Variants in COL8A1 observed in about 807,000 individuals in gnomAD.
The protein encoded by COL8A1 is collagen type VIII alpha 1 chain.
COL8A1 carries 21 observed loss-of-function variants against 42.7 expected under a neutral mutation model. The ratio of observed to expected loss-of-function variants is 0.49; its 90% CI spans 0.35 to 0.71. The LOEUF is 0.71. Among genes scored for constraint, COL8A1 ranks in the 30% least tolerant of loss-of-function variants. The pLI is 0.01. For missense variants in COL8A1, 788 were observed against 962.4 expected (o/e 0.82, Z 2.40); for synonymous variants, 367 against 369.1 (o/e 0.99, Z 0.06).
intron 1 of COL8A1, among the ~76,000 whole-genome samples, chr3:99,645,998 A>G (rs1310983909): frequency 6.6e-6 from 1 of 152,080 alleles, no homozygotes; most frequent in Non-Finnish European, 1.5e-5. Context: ...GGAGAAAAAA[A>G]GACAGAAATG....
intron 2 of COL8A1, among the ~76,000 whole-genome samples, chr3:99,789,362 T>C (rs1559636804): frequency 6.6e-6 from 1 of 152,196 alleles, no homozygotes; most frequent in Non-Finnish European, 1.5e-5. Context: ...ACATTAAAAA[T>C]TGTGAGAAAT....
intron 1 of COL8A1, among the ~76,000 whole-genome samples, chr3:99,640,217 T>C (rs1293304052): frequency 6.6e-6 from 1 of 152,256 alleles, no homozygotes; most frequent in Non-Finnish European, 1.5e-5. Flanking sequence ...AAAATTACTA[T>C]TGGCCAAGAT....
intron 1 of COL8A1, among the ~76,000 whole-genome samples, chr3:99,721,517 G>C (rs1940155807): frequency 6.6e-6 from 1 of 151,896 alleles, no homozygotes; most frequent in African/African-American, 2.4e-5. Context: ...AGAGAGAGGA[G>C]ACAGGGACCC....
At chr3:99,658,885 C>A (rs141948222) in intron 1 of COL8A1, among the ~76,000 whole-genome samples, 2 of 152,234 alleles carry the variant, frequency 1.3e-5, no homozygotes, top group African/African-American at 4.8e-5. Context: ...TCATTGTGGG[C>A]AAAGTTTCCC....
At chr3:99,692,397 T>A (rs1345385711) in intron 1 of COL8A1, among the ~76,000 whole-genome samples, 1 of 152,276 alleles carries the variant, frequency 6.6e-6, no homozygotes, top group Non-Finnish European at 1.5e-5. Context: ...ATATTGAGTT[T>A]AATGGACATT....
chr3:99,732,046 G>A (rs1405870964), intron 1 of COL8A1, among the ~76,000 whole-genome samples: 2 of 152,096 alleles, frequency 1.3e-5, no homozygotes, highest in East Asian at 3.9e-4. Context: ...AACCCTCAGA[G>A]GGGGCATAGC....
Position 99,796,216 on chromosome 3 carries a change from A to C in COL8A1, c.*80A>C. 2 of 1,178,778 alleles carry C rather than the reference A, an allele frequency of 1.7e-6. No individual in the cohort carries two copies. The highest frequency in any genetic ancestry group is 2.3e-6 in the Non-Finnish European group (2 of 874,406). The allele number at this position is 1,178,778 out of a possible 1,614,324, so 73.0% of individuals were successfully genotyped here. A position where few individuals can be genotyped will look rare whatever the true frequency, so the allele number is the denominator to read the frequency against. On this transcript the variant is annotated 3_prime_UTR_variant, in exon 4 of 4. Transcript: ENST00000652472. ...ACACCAAAAAATCCAAATGAAAAAC[A>C]TAATTGCTTCAAAACACTTACACAG... is the stretch of plus-strand genomic sequence containing the variant.
chr3:99,643,147 C>T (rs1937540077), intron 1 of COL8A1, among the ~76,000 whole-genome samples: 1 of 152,206 alleles, frequency 6.6e-6, no homozygotes, highest in Non-Finnish European at 1.5e-5. Context: ...CCAGTTTCTC[C>T]AGCCAGTGCT....
intron 1 of COL8A1, among the ~76,000 whole-genome samples, chr3:99,643,828 T>G (rs962039408): frequency 6.6e-6 from 1 of 152,224 alleles, no homozygotes; most frequent in Non-Finnish European, 1.5e-5. Context: ...ATGTGAGATT[T>G]ACAGCGTAAC....
chr3:99,652,432 G>A (rs1222526532), intron 1 of COL8A1, among the ~76,000 whole-genome samples: 2 of 152,192 alleles, frequency 1.3e-5, no homozygotes, highest in Non-Finnish European at 2.9e-5. Context: ...GGCAGTAGAG[G>A]CTTAGAGAGA....
At chr3:99,639,735 T>C (rs183116471) in intron 1 of COL8A1, among the ~76,000 whole-genome samples, 104 of 152,334 alleles carry the variant, frequency 6.8e-4, no homozygotes, top group Admixed American at 1.2e-3. Context: ...CTGTGGGTTG[T>C]GTGGGATGAA....
intron 1 of COL8A1, among the ~76,000 whole-genome samples, chr3:99,697,171 A>G (rs1559781909): frequency 6.6e-6 from 1 of 151,232 alleles, no homozygotes; most frequent in Non-Finnish European, 1.5e-5. Flanking sequence ...TATTTTTAGT[A>G]GAGACGGGGT....
In COL8A1 at chr3:99,795,853, G is replaced by C. The variant is rs750108911; in HGVS notation, c.1952G>C (p.Gly651Ala). 3.1e-6 allele frequency: 5 copies of C among 1,614,052 alleles called. No homozygotes were observed. Among genetic ancestry groups the C allele is most frequent in the Admixed American group, 1.7e-5 (1 of 60,006 alleles). ...NGRQNYNPQTGIFTCEVPGVY... is the reference protein window; with the variant it reads ...NGRQNYNPQTAIFTCEVPGVY... The stretch of plus-strand genomic sequence containing the variant: ...AGACAGAACTACAACCCGCAGACAG[G>C]CATCTTCACCTGTGAGGTCCCTGGT... The change falls in exon 4 of 4, where the codon GGC becomes GCC. Residue 651 changes from glycine to alanine, a missense_variant. Gly to Ala is a moderately conservative substitution (Grantham distance 60, BLOSUM62 0). Coordinates refer to ENST00000652472, the MANE Select transcript of COL8A1 (RefSeq NM_020351.4).
chr3:99,675,680 C>G (rs1938671439), intron 1 of COL8A1: 2 of 152,464 alleles, frequency 1.3e-5, no homozygotes, highest in African/African-American at 4.8e-5. Context: ...CGTTCACCAA[C>G]TCACCCTTGA....
At chr3:99,689,049 G>A (rs1939144172) in intron 1 of COL8A1, among the ~76,000 whole-genome samples, 1 of 152,194 alleles carries the variant, frequency 6.6e-6, no homozygotes, top group African/African-American at 2.4e-5. Context: ...ACAGAAAGCA[G>A]CCAAATTATT....
At chr3:99,783,273 C>T (rs1428422034) in intron 2 of COL8A1, among the ~76,000 whole-genome samples, 3 of 152,162 alleles carry the variant, frequency 2.0e-5, no homozygotes, top group Admixed American at 6.6e-5. Flanking sequence ...TCATTTCTAG[C>T]GCTGGGGGCA....
Position 99,730,912 on chromosome 3 carries a change from A to G in COL8A1, c.-128-13985A>G, listed in dbSNP as rs370456454. 1.2e-4 allele frequency among the ~76,000 whole-genome samples: 19 copies of G among 152,220 alleles called. No homozygotes were observed. In the East Asian group the frequency reaches 2.1e-3, roughly 17 times the overall value. On this transcript the variant is annotated intron_variant, in intron 1 of 3. Coordinates refer to ENST00000652472, the MANE Select transcript of COL8A1 (RefSeq NM_020351.4). Reference sequence around the variant, plus strand: ...TTAAAGTCTTTTAAAATGCCCATATAGTTTACAATTTCTGTTCTTTTTTAA... The same window carrying G: ...TTAAAGTCTTTTAAAATGCCCATATGGTTTACAATTTCTGTTCTTTTTTAA...
chr3:99,719,003 TG>T (rs1940077674), intron 1 of COL8A1, among the ~76,000 whole-genome samples: 1 of 152,072 alleles, frequency 6.6e-6, no homozygotes, highest in South Asian at 2.1e-4. Flanking sequence ...TTAAACACTC[TG>T]GGTTTGCATT....
chr3:99,660,294 GC>G (rs1385145547), intron 1 of COL8A1, among the ~76,000 whole-genome samples: 25 of 151,936 alleles, frequency 1.6e-4, no homozygotes. Context: ...GGGAAAGCAT[GC>G]CTTTTTCTAC....
Sources: allele counts gnomAD v4.1 joint callset (sites outside exome capture counted in the v4.1 genomes callset), GRCh38; gene constraint gnomAD v4.1.1; transcripts MANE v1.5; gene names NCBI Gene and HGNC (gene_info 2026-07-23, HGNC 2026-07-21).